Variants in PTP4A3 observed in about 807,000 individuals in gnomAD.
PTP4A3 encodes protein tyrosine phosphatase type IVA 3.
A neutral mutation model predicts 15.2 loss-of-function variants in PTP4A3; 9 were observed. The ratio of observed to expected loss-of-function variants is 0.59; its 90% CI spans 0.36 to 1.03. The LOEUF is 1.03. Ranked by LOEUF, PTP4A3 falls within the 50% of genes least tolerant of loss-of-function variation. PTP4A3 has a pLI of 0.02. For synonymous variants in PTP4A3, 95 were observed against 102.0 expected (o/e 0.93, Z 0.41); for missense variants, 234 against 252.1 (o/e 0.93, Z 0.49).
Position 141,407,934 on chromosome 8 carries a change from A to T in PTP4A3, c.-853-13454A>T, listed in dbSNP as rs140961820. Among the ~76,000 whole-genome samples the T allele has an allele frequency of 3.3e-5, 5 of 152,316 alleles. No homozygotes were observed. In the East Asian group the frequency reaches 9.6e-4, roughly 29 times the overall value. On this transcript the variant is annotated intron_variant, in intron 1 of 5. Transcript: ENST00000521578. The stretch of plus-strand genomic sequence containing the variant: ...TTGTTGTTGTTCATCAGCCATCATT[A>T]GCGTTAGTGTATTTTATGTGTGGTC...
At position 141,425,348 on chromosome 8, in the gene PTP4A3, G is replaced by T. The variant is rs1215087488; in HGVS notation, c.198+208G>T. 1.3e-5 allele frequency among the ~76,000 whole-genome samples: 2 copies of T among 152,084 alleles called. No individual in the cohort carries two copies. Among genetic ancestry groups the T allele is most frequent in the Non-Finnish European group, 2.9e-5 (2 of 67,982 alleles). On this transcript the variant is annotated intron_variant, in intron 3 of 5. Transcript: ENST00000521578. This position sits in a 1 kb window ranked among gnomAD's most constrained non-coding sequence, Gnocchi z 4.2. ...TCAAGAAAGTCACCCTTGCGCACCC[G>T]TCTTTCTGTCTCTAGGGTGGGCCAG...
At chr8:141,414,775 G>A (rs893666986) in intron 1 of PTP4A3, among the ~76,000 whole-genome samples, 3 of 152,162 alleles carry the variant, frequency 2.0e-5, no homozygotes, top group African/African-American at 7.2e-5. Flanking sequence ...TGCCCCAGGA[G>A]GTAGAGTCCT....
intron 3 of PTP4A3, chr8:141,426,326 C>T (rs575583687): frequency 1.5e-3 from 964 of 630,386 alleles, no homozygotes; most frequent in Middle Eastern, 2.5e-3. Context: ...CGCTGGGGGA[C>T]GGGACAGTGG....
chr8:141,426,319 T>TG (rs1833575552), intron 3 of PTP4A3: 1 of 583,880 alleles, frequency 1.7e-6, no homozygotes, highest in Non-Finnish European at 2.2e-6. Context: ...TCTAGGGCGC[T>TG]GGGGGACGGG....
At chr8:141,426,307 G>A (rs945651212) in intron 3 of PTP4A3, 3 of 482,718 alleles carry the variant, frequency 6.2e-6, no homozygotes, top group African/African-American at 4.2e-5. Context: ...GTTGCCCACC[G>A]ATCTAGGGCG....
intron 3 of PTP4A3, chr8:141,426,333 G>A (rs996515757): frequency 8.7e-6 from 6 of 687,334 alleles, no homozygotes; most frequent in Non-Finnish European, 1.1e-5. Flanking sequence ...GGACGGGACA[G>A]TGGGAAGCAC....
chr8:141,420,250 G>A (rs1372343924), intron 1 of PTP4A3, among the ~76,000 whole-genome samples: 3 of 152,160 alleles, frequency 2.0e-5, no homozygotes, highest in Non-Finnish European at 4.4e-5. Context: ...TTGAGTCTAG[G>A]GGGCTGGAGA....
At position 141,425,089 on chromosome 8, in the gene PTP4A3, T is replaced by C; in HGVS notation, c.147T>C (p.Cys49=). Residue 49 remains cysteine, a synonymous_variant, in exon 3 of 6, where the codon TGT becomes TGC. Coordinates refer to ENST00000521578, the MANE Select transcript of PTP4A3 (RefSeq NM_032611.3). This position sits in a 1 kb window ranked among gnomAD's most constrained non-coding sequence, Gnocchi z 4.2. ...KYGATTVVRV[C]EVTYDKTPLE... ...GGGCTACCACTGTGGTGCGTGTGTG[T>C]GAAGTGACCTATGACAAAACGCCGC... is the stretch of plus-strand genomic sequence containing the variant. 2 of 1,612,866 alleles carry C rather than the reference T, an allele frequency of 1.2e-6. No homozygotes were observed. Among genetic ancestry groups the C allele is most frequent in the Non-Finnish European group, 1.7e-6 (2 of 1,179,848 alleles).
chr8:141,411,577 C>T (rs767579304), intron 1 of PTP4A3, among the ~76,000 whole-genome samples: 6 of 152,230 alleles, frequency 3.9e-5, no homozygotes, highest in Non-Finnish European at 5.9e-5. Flanking sequence ...AAGAGGCCTA[C>T]GTGCATGCCG....
chr8:141,414,703 C>T (rs918789662), intron 1 of PTP4A3, among the ~76,000 whole-genome samples: 9 of 148,268 alleles, frequency 6.1e-5, no homozygotes, highest in Admixed American at 6.7e-5. Context: ...TGAGTTATGG[C>T]GCAGCTGTCT....
At chr8:141,430,846 TCA>T in intron 5 of PTP4A3, 79 bp from the exon 6 acceptor site, 1 of 1,408,176 alleles carries the variant, frequency 7.1e-7, no homozygotes, top group Non-Finnish European at 1.0e-6. Context: ...CACTGCACTC[TCA>T]GATTCCAGCT....
chr8:141,417,017 C>T (rs55686239), intron 1 of PTP4A3, among the ~76,000 whole-genome samples: 12,178 of 152,154 alleles, frequency 0.08, 566 homozygotes, highest in Middle Eastern at 0.18. Context: ...GTGGCCAGGG[C>T]GGGCACAGAG....
intron 1 of PTP4A3, among the ~76,000 whole-genome samples, chr8:141,398,981 C>A (rs938011212): frequency 6.6e-6 from 1 of 152,110 alleles, no homozygotes; most frequent in African/African-American, 2.4e-5. Flanking sequence ...CCATCTCAGT[C>A]CCCTTCCCAC....
chr8:141,430,820 A>G, intron 5 of PTP4A3, 107 bp from the exon 6 acceptor site: 1 of 1,059,256 alleles, frequency 9.4e-7, no homozygotes, highest in African/African-American at 1.6e-5. Context: ...GCCAGCCTCA[A>G]GGCCTTACTC....
intron 5 of PTP4A3, among the ~76,000 whole-genome samples, chr8:141,428,632 C>G (rs1341555443): frequency 6.6e-6 from 1 of 151,718 alleles, no homozygotes. Context: ...CCCTGTGGGT[C>G]TGCGAGAGCG....
chr8:141,418,247 C>T (rs1051879871), intron 1 of PTP4A3, among the ~76,000 whole-genome samples: 1 of 152,234 alleles, frequency 6.6e-6, no homozygotes, highest in African/African-American at 2.4e-5. Flanking sequence ...ACCCGCTGAG[C>T]CCCGGGCCTC....
intron 1 of PTP4A3, among the ~76,000 whole-genome samples, chr8:141,411,516 G>A (rs1390286968): frequency 1.3e-5 from 2 of 152,238 alleles, no homozygotes; most frequent in Non-Finnish European, 2.9e-5. Context: ...CATCGGGCCA[G>A]CCCAGAAATA....
chr8:141,417,749 C>T (rs553970413), intron 1 of PTP4A3, among the ~76,000 whole-genome samples: 1 of 152,166 alleles, frequency 6.6e-6, no homozygotes, highest in South Asian at 2.1e-4. Flanking sequence ...TGGGCTTCCT[C>T]TTCCCCGCGC....
intron 1 of PTP4A3, among the ~76,000 whole-genome samples, chr8:141,409,273 C>T (rs551003845): frequency 3.3e-5 from 5 of 152,342 alleles, no homozygotes; most frequent in South Asian, 4.1e-4. Context: ...GTTCCTGGCC[C>T]GGGGCTGTCT....
Sources: allele counts gnomAD v4.1 joint callset (sites outside exome capture counted in the v4.1 genomes callset), GRCh38; gene constraint gnomAD v4.1.1; non-coding constraint Gnocchi (gnomAD v3.1); transcripts MANE v1.5; gene names NCBI Gene and HGNC (gene_info 2026-07-23, HGNC 2026-07-21).